The following EIPR1 variants were observed in gnomAD, a reference collection of about 807,000 sequenced individuals.
EIPR1 encodes the protein EARP complex and GARP complex interacting protein 1.
EIPR1 carries 25 observed loss-of-function variants against 48.1 expected under a neutral mutation model. That is an observed-to-expected ratio of 0.52 (90% CI 0.38 to 0.73). EIPR1 has a LOEUF of 0.73. Among genes scored for constraint, EIPR1 ranks in the 30% least tolerant of loss-of-function variants. The pLI is 0.00. For synonymous variants in EIPR1, 204 were observed against 201.9 expected (o/e 1.01, Z -0.09); for missense variants, 415 against 506.2 (o/e 0.82, Z 1.73).
At chr2:3,219,094 A>G (rs1333943831) in intron 4 of EIPR1, among the ~76,000 whole-genome samples, 1 of 149,874 alleles carries the variant, frequency 6.7e-6, no homozygotes, top group East Asian at 2.0e-4. Context: ...GAGCATTCAC[A>G]GTGACTCAGG....
In EIPR1 at chr2:3,331,222, A is replaced by G. The variant is rs1278191142; in HGVS notation, c.259+6795T>C. On this transcript the variant is annotated intron_variant, in intron 3 of 8. Transcript: ENST00000382125. ...AGCAGAGGCAGGTGTGTATACACTC[A>G]TGAGATGTGTCAGCAGAGGCAGGTG... 1.9e-5 allele frequency among the ~76,000 whole-genome samples: 2 copies of G among 107,272 alleles called. 1 individual carries two copies. Among genetic ancestry groups the G allele is most frequent in the African/African-American group, 8.9e-5 (2 of 22,362 alleles). 70.4% of individuals were successfully genotyped at this position (107,272 alleles called of 152,430 possible).
At chr2:3,200,287 C>T (rs1206421122) in intron 5 of EIPR1, among the ~76,000 whole-genome samples, 1 of 152,136 alleles carries the variant, frequency 6.6e-6, no homozygotes, top group Non-Finnish European at 1.5e-5. Flanking sequence ...GTGCCCAGGT[C>T]CCTGCCCAGC....
chr2:3,248,927 T>A (rs956595058), intron 4 of EIPR1, among the ~76,000 whole-genome samples: 1 of 152,236 alleles, frequency 6.6e-6, no homozygotes, highest in South Asian at 2.1e-4. Flanking sequence ...GCTGCTGCCA[T>A]GCTTCCTGTA....
At chr2:3,237,851 G>A (rs1010988249) in intron 4 of EIPR1, among the ~76,000 whole-genome samples, 8 of 152,170 alleles carry the variant, frequency 5.3e-5, no homozygotes, top group Non-Finnish European at 7.3e-5. Context: ...GAACAGGCCC[G>A]CACACGGCTG....
intron 3 of EIPR1, among the ~76,000 whole-genome samples, chr2:3,310,410 T>C (rs1162154443): frequency 1.3e-5 from 2 of 150,978 alleles, no homozygotes; most frequent in African/African-American, 4.9e-5. Context: ...TCCCAGCACT[T>C]TGGGAGGCCG....
At chr2:3,231,931 T>C (rs1035997563) in intron 4 of EIPR1, among the ~76,000 whole-genome samples, 1 of 152,252 alleles carries the variant, frequency 6.6e-6, no homozygotes, top group African/African-American at 2.4e-5. Flanking sequence ...CTTAAAATAT[T>C]TCGCAGAATT....
At position 3,299,218 on chromosome 2, in the gene EIPR1, C is replaced by T. The variant is rs566955392; in HGVS notation, c.259+38799G>A. ...GTGTCTGTCTCTCCACAGGGCCTCCCGCGTGAGCCTCCATGGACTGCCCCC... is the reference window on the plus strand; with the variant it reads ...GTGTCTGTCTCTCCACAGGGCCTCCTGCGTGAGCCTCCATGGACTGCCCCC... On this transcript the variant is annotated intron_variant, in intron 3 of 8. Transcript: ENST00000382125. Among the ~76,000 whole-genome samples, 267 of 152,324 alleles carry T rather than the reference C, an allele frequency of 1.8e-3. 1 individual carries two copies. Among genetic ancestry groups the T allele is most frequent in the Non-Finnish European group, 3.4e-3 (234 of 68,028 alleles).
chr2:3,252,725 G>C (rs138919713), intron 4 of EIPR1, among the ~76,000 whole-genome samples: 147 of 152,328 alleles, frequency 9.7e-4, no homozygotes, highest in African/African-American at 3.4e-3. Flanking sequence ...CTGGTGATGG[G>C]GCAGGTCCTC....
intron 3 of EIPR1, among the ~76,000 whole-genome samples, chr2:3,294,908 TCC>T (rs1446386482): frequency 2.4e-5 from 2 of 82,274 alleles, no homozygotes; most frequent in Admixed American, 1.3e-4. Context: ...GCCCATTCTC[TCC>T]CTGCACACAC....
intron 3 of EIPR1, among the ~76,000 whole-genome samples, chr2:3,269,402 G>T (rs926397484): frequency 9.1e-6 from 1 of 110,306 alleles, no homozygotes; most frequent in Non-Finnish European, 1.7e-5. Flanking sequence ...CTCAGTCATC[G>T]CACTCAATCA....
At chr2:3,319,814 C>CACCCCTGCGG (rs2103322898) in intron 3 of EIPR1, 1 of 115,346 alleles carries the variant, frequency 8.7e-6, no homozygotes, top group African/African-American at 5.0e-5. Flanking sequence ...CGGGCAACAC[C>CACCCCTGCGG]GCACCTGCAG....
intron 5 of EIPR1, among the ~76,000 whole-genome samples, chr2:3,205,535 T>C (rs948894167): frequency 9.2e-5 from 14 of 152,226 alleles, no homozygotes; most frequent in African/African-American, 3.4e-4. Context: ...AATCACTTTA[T>C]TTCCAAGCTT....
At chr2:3,219,483 A>C (rs910949663) in intron 4 of EIPR1, among the ~76,000 whole-genome samples, 1 of 144,450 alleles carries the variant, frequency 6.9e-6, no homozygotes, top group Admixed American at 6.8e-5. Context: ...TGCACACCCA[A>C]TACAGCCCTG....
chr2:3,221,948 TAATC>T lies in EIPR1; in HGVS notation c.417-7704_417-7701del, dbSNP rs199615962. On this transcript the variant is annotated intron_variant, in intron 4 of 8. Transcript: ENST00000382125. Reference sequence around the variant, plus strand: ...TCACGTCCTAAGGAGCTGATGGTCATAATCAATGCTCCTGAAAACTTGTTTCCCA... The same window carrying T: ...TCACGTCCTAAGGAGCTGATGGTCATAATGCTCCTGAAAACTTGTTTCCCA... 7.2e-3 allele frequency among the ~76,000 whole-genome samples: 1,094 copies of T among 152,254 alleles called. 15 individuals carry two copies. The highest frequency in any genetic ancestry group is 0.024 in the African/African-American group (1,018 of 41,562).
intron 3 of EIPR1, among the ~76,000 whole-genome samples, chr2:3,322,529 G>A (rs1222952494): frequency 6.6e-6 from 1 of 152,336 alleles, no homozygotes; most frequent in Non-Finnish European, 1.5e-5. Context: ...TTACAGGACT[G>A]ATTTTTGGCA....
chr2:3,325,136 A>G (rs1333970217), intron 3 of EIPR1, among the ~76,000 whole-genome samples: 1 of 152,202 alleles, frequency 6.6e-6, no homozygotes, highest in Non-Finnish European at 1.5e-5. Flanking sequence ...AACTGGGCCC[A>G]AAAAGGAAAG....
chr2:3,339,942 T>G (rs1224972870), intron 2 of EIPR1, among the ~76,000 whole-genome samples: 1 of 152,188 alleles, frequency 6.6e-6, no homozygotes, highest in African/African-American at 2.4e-5. Flanking sequence ...AGAGCGAGAC[T>G]CCGTCTCAAC....
At chr2:3,318,652 C>T (rs189986972) in intron 3 of EIPR1, among the ~76,000 whole-genome samples, 49 of 152,304 alleles carry the variant, frequency 3.2e-4, no homozygotes, top group African/African-American at 1.1e-3. Context: ...TGTCTGAAGC[C>T]CCTTGCTATT....
rs564861242 is a variant in EIPR1, at chr2:3,208,789, T to C, written c.516+5360A>G. Reference sequence around the variant, plus strand: ...CGAGTCCTTCTTCCTTGAGTGAGGCTCGTGGCAGGTCCTCCTTCTGTGAGT... The same window carrying C: ...CGAGTCCTTCTTCCTTGAGTGAGGCCCGTGGCAGGTCCTCCTTCTGTGAGT... On this transcript the variant is annotated intron_variant, in intron 5 of 8. Coordinates refer to ENST00000382125, the MANE Select transcript of EIPR1 (RefSeq NM_003310.5). The C allele has an allele frequency of 2.6e-6, 4 of 1,548,604 alleles. No individual in the cohort carries two copies. In the African/African-American group the frequency reaches 5.5e-5, roughly 21 times the overall value.
Sources: gnomAD v4.1 joint callset for allele counts (sites outside exome capture counted in the v4.1 genomes callset) on GRCh38, gnomAD v4.1.1 for gene constraint, MANE v1.5 for transcripts, NCBI Gene and HGNC (gene_info 2026-07-23, HGNC 2026-07-21) for gene names.